Variants in PTPN13 observed in about 807,000 individuals in gnomAD.
PTPN13 encodes tyrosine-protein phosphatase non-receptor type 13.
Under a neutral mutation model 284.0 loss-of-function variants are expected in PTPN13, and 191 were observed. The observed-to-expected ratio is 0.67, with a 90% confidence interval of 0.60 to 0.76. PTPN13 has a LOEUF of 0.76. Among genes scored for constraint, PTPN13 ranks in the 30% least tolerant of loss-of-function variants. The probability of loss-of-function intolerance (pLI) is 0.00; values close to 1 mark genes in which losing one functional copy is unlikely to be tolerated. For synonymous variants in PTPN13, 986 were observed against 1,022.3 expected (o/e 0.96, Z 0.68); for missense variants, 2,797 against 2,939.9 (o/e 0.95, Z 1.12).
intron 25 of PTPN13, 74 bp downstream of exon 25, chr4:86,764,798 AT>A: frequency 6.7e-7 from 1 of 1,488,020 alleles, no homozygotes; most frequent in Non-Finnish European, 8.9e-7. Flanking sequence ...CAACTTTTTA[AT>A]TGAATTATTT....
Position 86,772,796 on chromosome 4 carries a change from A to G in PTPN13, c.5187A>G (p.Pro1729=). The G allele has an allele frequency of 1.9e-6, 3 of 1,605,752 alleles. No individual in the cohort carries two copies. Among genetic ancestry groups the G allele is most frequent in the Non-Finnish European group, 2.5e-6 (3 of 1,177,292 alleles). ...EFEDSNPSPL[P]PDMAPGQSYQ... Reference sequence around the variant, plus strand: ...TCTGTAGTAATCCTTCCCCTCTACCACCGGATATGGCTCCTGGGCAGAGTT... The same window carrying G: ...TCTGTAGTAATCCTTCCCCTCTACCGCCGGATATGGCTCCTGGGCAGAGTT... Residue 1729 remains proline, a synonymous_variant, in exon 32 of 48, where the codon CCA becomes CCG. Coordinates refer to ENST00000411767, the MANE Select transcript of PTPN13 (RefSeq NM_080683.3).
At position 86,809,944 on chromosome 4, in the gene PTPN13, G is replaced by C; in HGVS notation, c.7259G>C (p.Cys2420Ser). 1.2e-6 allele frequency: 2 copies of C among 1,613,966 alleles called. No individual in the cohort carries two copies. Among genetic ancestry groups the C allele is most frequent in the Non-Finnish European group, 1.7e-6 (2 of 1,179,886 alleles). ...AGIGRSGTLI[C>S]IDVVLGLISQ... ...ATTGGACGTTCAGGGACCCTGATTT[G>C]CATAGATGTGGTTCTGGGATTAATC... Residue 2420 changes from cysteine (C) to serine (S), a missense_variant, in exon 46 of 48, where the codon TGC becomes TCC. Coordinates refer to ENST00000411767, the MANE Select transcript of PTPN13 (RefSeq NM_080683.3).
intron 13 of PTPN13, 92 bp from the exon 14 acceptor site, chr4:86,734,645 C>T: frequency 6.4e-6 from 9 of 1,415,254 alleles, no homozygotes; most frequent in South Asian, 4.4e-5. Context: ...TAGTAATAAA[C>T]TCATGGAAAT....
chr4:86,722,498 T>C (rs1733785854), intron 10 of PTPN13, 64 bp downstream of exon 10: 12 of 1,410,972 alleles, frequency 8.5e-6, no homozygotes, highest in Non-Finnish European at 1.2e-5. Context: ...TTGGGCAAAG[T>C]ACTTTTAAAA....
At chr4:86,729,599 T>A (rs1734713657) in intron 10 of PTPN13, among the ~76,000 whole-genome samples, 1 of 149,778 alleles carries the variant, frequency 6.7e-6, no homozygotes, top group Non-Finnish European at 1.5e-5. Flanking sequence ...TGATCTTCAA[T>A]CAGTGATACC....
At chr4:86,771,137 T>C in intron 30 of PTPN13, 34 bp from the exon 31 acceptor site, 2 of 1,522,566 alleles carry the variant, frequency 1.3e-6, no homozygotes, top group South Asian at 1.3e-5. Context: ...ATTCATAGAA[T>C]GGTCACAAAT....
intron 28 of PTPN13, among the ~76,000 whole-genome samples, chr4:86,768,465 G>C (rs1473672060): frequency 1.3e-5 from 2 of 152,166 alleles, no homozygotes; most frequent in East Asian, 3.9e-4. Flanking sequence ...AATTAAGAAT[G>C]ACAGTGGCTT....
At chr4:86,725,387 C>T (rs963368722) in intron 10 of PTPN13, among the ~76,000 whole-genome samples, 3 of 149,238 alleles carry the variant, frequency 2.0e-5, no homozygotes, top group Admixed American at 6.7e-5. Context: ...CTTGAGTAAT[C>T]GCCACACTGT....
chr4:86,716,951 G>A, intron 8 of PTPN13, 73 bp from the exon 9 acceptor site: 1 of 1,021,386 alleles, frequency 9.8e-7, no homozygotes, highest in Non-Finnish European at 1.5e-6. Context: ...TCTGCTAAGT[G>A]TTTGAGTTTT....
chr4:86,662,547 G>A (rs768337678), intron 2 of PTPN13, among the ~76,000 whole-genome samples: 161 of 152,092 alleles, frequency 1.1e-3, no homozygotes, highest in Middle Eastern at 3.2e-3. Context: ...GGCCAGGATG[G>A]TCTCCATCTC....
At chr4:86,635,226 G>C in intron 1 of PTPN13, 26 bp from the exon 2 acceptor site, 1 of 1,567,070 alleles carries the variant, frequency 6.4e-7, no homozygotes, top group Non-Finnish European at 8.7e-7. Context: ...CTGATGCATA[G>C]ACCATCTGTT....
chr4:86,757,762 C>CAAAAAA (rs542129918), intron 20 of PTPN13, among the ~76,000 whole-genome samples: 52 of 112,514 alleles, frequency 4.6e-4, no homozygotes, highest in Middle Eastern at 4.6e-3. Context: ...GACTCTGTCT[C>CAAAAAA]AAAAAAAAAA....
In PTPN13 at chr4:86,652,341, CTTA is replaced by C. The variant is rs545680881; in HGVS notation, c.115+16975_115+16977del. Among the ~76,000 whole-genome samples the C allele has an allele frequency of 9.9e-5, 15 of 152,104 alleles. No homozygotes were observed. The East Asian group carries it at 2.5e-3, about 25-fold the overall frequency. On this transcript the variant is annotated intron_variant, in intron 2 of 47. Coordinates refer to ENST00000411767, the MANE Select transcript of PTPN13 (RefSeq NM_080683.3). ...TAGAGTATTCTGTATTTTTTATGTA[CTTA>C]TTATCACTAGTGAATTTTATTCTGT...
chr4:86,603,819 C>T (rs879553836), intron 1 of PTPN13, among the ~76,000 whole-genome samples: 1 of 152,034 alleles, frequency 6.6e-6, no homozygotes, highest in Non-Finnish European at 1.5e-5. Flanking sequence ...TAAAGTACCT[C>T]GACCTAGTGG....
chr4:86,659,817 C>T (rs775801672), intron 2 of PTPN13, among the ~76,000 whole-genome samples: 7 of 147,848 alleles, frequency 4.7e-5, no homozygotes, highest in Non-Finnish European at 1.0e-4. Flanking sequence ...CTCAAAGTCT[C>T]AAACTACAAC....
chr4:86,763,116 T>C lies in PTPN13; in HGVS notation c.3943T>C (p.Tyr1315His). 3 of 1,613,824 alleles carry C rather than the reference T, an allele frequency of 1.9e-6. No homozygotes were observed. The highest frequency in any genetic ancestry group is 2.5e-6 in the Non-Finnish European group (3 of 1,179,850). The stretch of plus-strand genomic sequence containing the variant: ...GCCAGGCATTTCTGATGTAACTGAT[T>C]ACTCAGACCGTGGAGATTCAGACAT... ...KKPGISDVTDYSDRGDSDMDE... is the reference protein window; with the variant it reads ...KKPGISDVTDHSDRGDSDMDE... Residue 1315 changes from tyrosine to histidine, a missense_variant, in exon 24 of 48, where the codon TAC (tyrosine) becomes CAC (histidine). Physicochemically the swap from Tyr to His is moderately conservative, Grantham distance 83 (BLOSUM62 2). Transcript: ENST00000411767.
chr4:86,650,132 G>T (rs1196728810), intron 2 of PTPN13, among the ~76,000 whole-genome samples: 3 of 150,552 alleles, frequency 2.0e-5, no homozygotes, highest in Non-Finnish European at 4.4e-5. Flanking sequence ...GATTGCAGGT[G>T]CCCACCACCA....
chr4:86,768,952 C>A (rs566722321), intron 28 of PTPN13, among the ~76,000 whole-genome samples: 10 of 151,980 alleles, frequency 6.6e-5, no homozygotes, highest in Admixed American at 5.9e-4. Context: ...TCAGGTGATC[C>A]GCCCTCCTCA....
At chr4:86,781,407 ATTT>A (rs1741288819) in intron 36 of PTPN13, among the ~76,000 whole-genome samples, 1 of 152,162 alleles carries the variant, frequency 6.6e-6, no homozygotes, top group African/African-American at 2.4e-5. Flanking sequence ...AATATATTGA[ATTT>A]TTGTAATGAT....
Sources: allele counts gnomAD v4.1 joint callset (sites outside exome capture counted in the v4.1 genomes callset), GRCh38; gene constraint gnomAD v4.1.1; transcripts MANE v1.5; gene names NCBI Gene and HGNC (gene_info 2026-07-23, HGNC 2026-07-21).